Variants in UTS2 observed in about 807,000 individuals in gnomAD.
UTS2 encodes the protein urotensin 2, also known as urotensin-2.
UTS2 carries 10 observed loss-of-function variants against 12.6 expected under a neutral mutation model. That is an observed-to-expected ratio of 0.80 (90% CI 0.49 to 1.35). The LOEUF (loss-of-function observed/expected upper bound fraction) is 1.35, where lower values mean the gene tolerates loss of function less well. Among genes scored for constraint, UTS2 ranks in the 40% most tolerant of loss-of-function variants. The pLI, the probability that UTS2 is intolerant of heterozygous loss-of-function variation, is 0.00. For synonymous variants in UTS2, 52 were observed against 50.0 expected (o/e 1.04, Z -0.17); for missense variants, 142 against 143.2 (o/e 0.99, Z 0.04).
the UTS2 span, among the ~76,000 whole-genome samples, chr1:7,894,581 A>ACC: frequency 1.3e-5 from 2 of 151,850 alleles, no homozygotes; most frequent in South Asian, 4.2e-4. Context: ...CCACTGCCCA[A>ACC]CCCCCCGGCC....
rs761472730 is a variant in UTS2, at chr1:7,847,749, CAG to C, written c.*15_*16del. On this transcript the variant is annotated 3_prime_UTR_variant, in exon 4 of 4. Coordinates refer to ENST00000361696, the MANE Select transcript of UTS2 (RefSeq NM_006786.4). ...AGATGGGTGTTTCTGAGCTGACTAA[CAG>C]ATGCTTATTTCACTTCAGACACAGT... 8 of 1,564,590 alleles carry C rather than the reference CAG, an allele frequency of 5.1e-6. No individual in the cohort carries two copies. The Admixed American group carries it at 8.5e-5, about 17-fold the overall frequency.
chr1:7,906,313 C>T, the UTS2 span, among the ~76,000 whole-genome samples: 1 of 118,138 alleles, frequency 8.5e-6, no homozygotes, highest in Non-Finnish European at 1.7e-5. Flanking sequence ...AATCAAGGCA[C>T]ACACCTTTCC....
the UTS2 span, among the ~76,000 whole-genome samples, chr1:7,897,221 A>G: frequency 6.6e-6 from 1 of 152,126 alleles, no homozygotes; most frequent in African/African-American, 2.4e-5. Flanking sequence ...TAGTAAATCT[A>G]TTTCTGGGAT....
At chr1:7,852,680 C>T (rs2097415306) in intron 1 of UTS2, among the ~76,000 whole-genome samples, 1 of 152,162 alleles carries the variant, frequency 6.6e-6, no homozygotes, top group South Asian at 2.1e-4. Context: ...CAATTATCCT[C>T]TTCTCCTTTT....
intron 2 of UTS2, among the ~76,000 whole-genome samples, 168 bp from the exon 3 acceptor site, chr1:7,849,851 C>T (rs563757769): frequency 5.3e-5 from 8 of 152,236 alleles, no homozygotes; most frequent in South Asian, 2.1e-4. Flanking sequence ...GTTCTTATCT[C>T]GAATTCACAG....
chr1:7,909,468 C>T, the UTS2 span, among the ~76,000 whole-genome samples: 1 of 149,612 alleles, frequency 6.7e-6, no homozygotes, highest in East Asian at 2.0e-4. Flanking sequence ...TGCTTGAACC[C>T]AGGAGGTGGA....
the UTS2 span, among the ~76,000 whole-genome samples, chr1:7,908,607 C>T: frequency 1.3e-5 from 2 of 152,006 alleles, no homozygotes; most frequent in Non-Finnish European, 2.9e-5. Context: ...TCTATTTCCC[C>T]TCTGATTTAG....
At chr1:7,858,522 A>T in the UTS2 span, among the ~76,000 whole-genome samples, 1 of 152,298 alleles carries the variant, frequency 6.6e-6, no homozygotes, top group African/African-American at 2.4e-5. Flanking sequence ...AAATTAATCT[A>T]AACTCCCTCT....
At chr1:7,886,425 AAC>A in the UTS2 span, among the ~76,000 whole-genome samples, 9 of 152,226 alleles carry the variant, frequency 5.9e-5, no homozygotes, top group Admixed American at 5.2e-4. Context: ...CTGTAACTGT[AAC>A]ACATTATTTT....
At chr1:7,863,036 TTGTATTGTATTGTATTGTATTG>T in the UTS2 span, among the ~76,000 whole-genome samples, 405 of 33,014 alleles carry the variant, frequency 0.012, 18 homozygotes, top group African/African-American at 0.027. Context: ...TTGTATTGTA[TTGTATTGTATTGTATTGTATTG>T]TATTGTATTG....
At chr1:7,871,334 C>G in the UTS2 span, among the ~76,000 whole-genome samples, 1 of 141,584 alleles carries the variant, frequency 7.1e-6, no homozygotes, top group Admixed American at 6.7e-5. Context: ...TCACGTAACA[C>G]AACGTGCTCT....
At chr1:7,860,871 T>C in the UTS2 span, among the ~76,000 whole-genome samples, 1 of 151,844 alleles carries the variant, frequency 6.6e-6, no homozygotes, top group Admixed American at 6.6e-5. Flanking sequence ...GGTGAAACCC[T>C]GTCTGACTAA....
intron 1 of UTS2, among the ~76,000 whole-genome samples, chr1:7,852,466 C>T (rs2097415131): frequency 1.3e-5 from 2 of 151,152 alleles, no homozygotes; most frequent in Admixed American, 6.6e-5. Flanking sequence ...TTTCGTAGAA[C>T]ACATATCAGA....
At chr1:7,902,118 C>A in the UTS2 span, among the ~76,000 whole-genome samples, 1 of 152,028 alleles carries the variant, frequency 6.6e-6, no homozygotes, top group Admixed American at 6.6e-5. Flanking sequence ...GGGAGGACTG[C>A]GGAGGGTGGC....
chr1:7,892,239 C>G, the UTS2 span, among the ~76,000 whole-genome samples: 2 of 152,122 alleles, frequency 1.3e-5, no homozygotes, highest in African/African-American at 4.8e-5. Flanking sequence ...TATTCTCTTA[C>G]CATCCTGGAG....
the UTS2 span, among the ~76,000 whole-genome samples, chr1:7,873,557 G>A: frequency 6.6e-6 from 1 of 152,146 alleles, no homozygotes; most frequent in Non-Finnish European, 1.5e-5. Context: ...CAGATGTGGT[G>A]GAAATAGCAA....
the UTS2 span, among the ~76,000 whole-genome samples, chr1:7,906,541 A>G: frequency 7.2e-5 from 11 of 152,154 alleles, no homozygotes; most frequent in Non-Finnish European, 1.5e-5. Context: ...AACTTCTAAG[A>G]TCATTCCAGA....
At chr1:7,901,231 A>G in the UTS2 span, among the ~76,000 whole-genome samples, 1 of 152,206 alleles carries the variant, frequency 6.6e-6, no homozygotes, top group African/African-American at 2.4e-5. Flanking sequence ...AGGCTATTGG[A>G]AGACTACTGC....
the UTS2 span, among the ~76,000 whole-genome samples, chr1:7,876,625 A>G: frequency 6.6e-6 from 1 of 152,132 alleles, no homozygotes; most frequent in African/African-American, 2.4e-5. Context: ...CCAGGGGCCC[A>G]AGGACTGGCA....
Sources: gnomAD v4.1 joint callset for allele counts (sites outside exome capture counted in the v4.1 genomes callset) on GRCh38, gnomAD v4.1.1 for gene constraint, MANE v1.5 for transcripts, NCBI Gene and HGNC (gene_info 2026-07-23, HGNC 2026-07-21) for gene names.